The following MIB1 variants were observed in gnomAD, a reference collection of about 807,000 sequenced individuals.
MIB1 encodes E3 ubiquitin-protein ligase MIB1.
Under a neutral mutation model 124.5 loss-of-function variants are expected in MIB1, and 278 were observed. That is an observed-to-expected ratio of 2.23 (90% CI 2.02 to 2.47). MIB1 has a LOEUF of 2.47. Ranked by LOEUF, MIB1 falls within the 30% of genes most tolerant of loss-of-function variation. The pLI is 0.00. For synonymous variants in MIB1, 446 were observed against 429.4 expected (o/e 1.04, Z -0.48); for missense variants, 957 against 1,254.4 (o/e 0.76, Z 3.58).
chr18:21,846,861 C>A, intron 15 of MIB1, 83 bp from the exon 16 acceptor site: 2 of 1,331,340 alleles, frequency 1.5e-6, no homozygotes, highest in Admixed American at 1.8e-5. Context: ...TAAGTGTCCA[C>A]CACACACACA....
intron 12 of MIB1, among the ~76,000 whole-genome samples, chr18:21,832,942 G>C (rs1020817307): frequency 6.6e-6 from 1 of 152,182 alleles, no homozygotes; most frequent in African/African-American, 2.4e-5. Context: ...AATGTGTTAT[G>C]TGCCAGGTTC....
Position 21,838,394 on chromosome 18 carries a change from CAA to C in MIB1, c.1860_1861del (p.Arg621ThrfsTer6). On this transcript the variant is annotated frameshift_variant, in exon 13 of 21. Transcript: ENST00000261537. LOFTEE classifies it high-confidence loss of function. ...ATGCGTGTTTTACTATCTAAATTAC[CAA>C]GACCATGGATTGTGGATGAGAAGAA... 1 of 1,602,048 alleles carries C rather than the reference CAA, an allele frequency of 6.2e-7. No individual in the cohort carries two copies. Among genetic ancestry groups the C allele is most frequent in the Non-Finnish European group, 8.5e-7 (1 of 1,173,234 alleles).
intron 1 of MIB1, among the ~76,000 whole-genome samples, chr18:21,718,825 G>A (rs2040701382): frequency 6.6e-6 from 1 of 152,084 alleles, no homozygotes; most frequent in African/African-American, 2.4e-5. Context: ...CATTGGGAGG[G>A]TTATGAGGTG....
intron 12 of MIB1, among the ~76,000 whole-genome samples, chr18:21,829,954 A>G (rs929579136): frequency 6.6e-6 from 1 of 152,138 alleles, no homozygotes; most frequent in African/African-American, 2.4e-5. Context: ...TTAGAATGAA[A>G]AGAAATTATA....
chr18:21,801,799 A>G (rs1334083296), intron 9 of MIB1, among the ~76,000 whole-genome samples: 1 of 152,008 alleles, frequency 6.6e-6, no homozygotes, highest in Non-Finnish European at 1.5e-5. Flanking sequence ...TCTGGGAGAC[A>G]TTTCTCTTAG....
chr18:21,764,162 T>C (rs536218471), intron 1 of MIB1, among the ~76,000 whole-genome samples: 62 of 152,206 alleles, frequency 4.1e-4, no homozygotes, highest in African/African-American at 1.3e-3. Flanking sequence ...ATAAAACATA[T>C]TTGGTGTTGG....
At chr18:21,785,375 G>A (rs1387698424) in intron 6 of MIB1, among the ~76,000 whole-genome samples, 6 of 151,646 alleles carry the variant, frequency 4.0e-5, no homozygotes, top group South Asian at 2.1e-4. Flanking sequence ...TCTCGTCTCC[G>A]CCCACGAAGA....
intron 10 of MIB1, 120 bp from the exon 11 acceptor site, chr18:21,815,496 T>G: frequency 1.2e-6 from 1 of 847,060 alleles, no homozygotes; most frequent in Admixed American, 2.8e-5. Context: ...TTCTAGTTAT[T>G]TTGTTGTTTC....
chr18:21,748,855 C>T (rs1420215330), intron 1 of MIB1, among the ~76,000 whole-genome samples: 3 of 151,378 alleles, frequency 2.0e-5, no homozygotes, highest in African/African-American at 7.3e-5. Context: ...ACCTCAGCCT[C>T]CCGAGTAGCT....
chr18:21,788,168 A>G (rs574482173), intron 6 of MIB1, among the ~76,000 whole-genome samples: 33 of 152,336 alleles, frequency 2.2e-4, no homozygotes, highest in African/African-American at 7.0e-4. Context: ...GCCAAAACAT[A>G]TCTAATCCAC....
chr18:21,724,519 A>G (rs1234199711), intron 1 of MIB1, among the ~76,000 whole-genome samples: 1 of 150,822 alleles, frequency 6.6e-6, no homozygotes, highest in Non-Finnish European at 1.5e-5. Context: ...AGGCTGGCCA[A>G]TATGGTGAAA....
Position 21,847,142 on chromosome 18 carries a change from A to T in MIB1, c.2393+17A>T. ...AAAAGTCAGGTTTGTATTATTTATT[A>T]TCATAAAACTTAATATTCTGTACAG... On this transcript the variant is annotated intron_variant, in intron 16 of 20. Transcript: ENST00000261537. The T allele has an allele frequency of 6.2e-7, 1 of 1,603,924 alleles. No homozygotes were observed. Among genetic ancestry groups the T allele is most frequent in the Non-Finnish European group, 8.5e-7 (1 of 1,171,932 alleles).
At chr18:21,843,461 T>G (rs191986842) in intron 14 of MIB1, among the ~76,000 whole-genome samples, 323 of 152,332 alleles carry the variant, frequency 2.1e-3, no homozygotes, top group African/African-American at 7.5e-3. Context: ...TAGAAGGGAT[T>G]AGGAAAATTG....
intron 12 of MIB1, among the ~76,000 whole-genome samples, chr18:21,834,411 C>T (rs545548041): frequency 5.9e-5 from 9 of 152,190 alleles, no homozygotes; most frequent in South Asian, 2.1e-4. Flanking sequence ...TATAACTTCC[C>T]GCTCCTTAAG....
chr18:21,762,355 A>G (rs1306738313), intron 1 of MIB1, among the ~76,000 whole-genome samples: 1 of 152,236 alleles, frequency 6.6e-6, no homozygotes, highest in Non-Finnish European at 1.5e-5. Flanking sequence ...GACTATTATT[A>G]TGTAAATTAT....
chr18:21,790,973 G>T (rs9962019), intron 6 of MIB1, among the ~76,000 whole-genome samples: 1 of 152,062 alleles, frequency 6.6e-6, no homozygotes, highest in Non-Finnish European at 1.5e-5. Flanking sequence ...GGAGGCTGAG[G>T]CAGGCAGATC....
rs1468419803 is a variant in MIB1 at position 21,867,771 on chromosome 18, T to C, written c.*3105T>C. 1 of 152,612 alleles carries C rather than the reference T, an allele frequency of 6.6e-6. No individual in the cohort carries two copies. Among genetic ancestry groups the C allele is most frequent in the South Asian group, 2.1e-4 (1 of 4,832 alleles). 9.5% of individuals were successfully genotyped at this position (152,612 alleles called of 1,614,324 possible). On this transcript the variant is annotated 3_prime_UTR_variant, in exon 21 of 21. Transcript: ENST00000261537. The stretch of plus-strand genomic sequence containing the variant: ...AATATCAAAACTTGCTGGGTCATTT[T>C]TACATAGTAGAAACATACTGTCTAT...
intron 7 of MIB1, chr18:21,794,201 T>C (rs1293006864): frequency 6.6e-6 from 1 of 151,460 alleles, no homozygotes; most frequent in African/African-American, 2.4e-5. Flanking sequence ...CTAAAAGAAA[T>C]TAAGAAAATG....
Position 21,866,472 on chromosome 18 carries a change from A to T in MIB1, c.*1806A>T, listed in dbSNP as rs901285727. ...TGACTGATGATGTTCACATAAAGAG[A>T]CAGACAGACTATCATGTTGCAGACA... On this transcript the variant is annotated 3_prime_UTR_variant, in exon 21 of 21. Transcript: ENST00000261537. 5 of 152,196 alleles carry T rather than the reference A, an allele frequency of 3.3e-5. No homozygotes were observed. The East Asian group carries it at 9.6e-4, about 29-fold the overall frequency. 9.4% of individuals were successfully genotyped at this position (152,196 alleles called of 1,614,324 possible).
Sources: allele counts gnomAD v4.1 joint callset (sites outside exome capture counted in the v4.1 genomes callset), GRCh38; gene constraint gnomAD v4.1.1; transcripts MANE v1.5; gene names NCBI Gene and HGNC (gene_info 2026-07-23, HGNC 2026-07-21).